The following NAALADL2 variants were observed in gnomAD, a reference collection of about 807,000 sequenced individuals.
NAALADL2 encodes inactive N-acetylated-alpha-linked acidic dipeptidase-like protein 2.
Under a neutral mutation model 87.2 loss-of-function variants are expected in NAALADL2, and 76 were observed. The ratio of observed to expected loss-of-function variants is 0.87; its 90% CI spans 0.72 to 1.05. The LOEUF is 1.05. Ranked by LOEUF, NAALADL2 falls within the 50% of genes least tolerant of loss-of-function variation. The pLI is 0.00. For synonymous variants in NAALADL2, 354 were observed against 331.0 expected, an observed-to-expected ratio of 1.07 and a Z score of -0.75; for missense variants, 1,089 against 945.8, an observed-to-expected ratio of 1.15 and a Z score of -1.99.
chr3:175,178,493 G>A lies in NAALADL2; in HGVS notation c.546-55438G>A, dbSNP rs779358436. 3.9e-5 allele frequency among the ~76,000 whole-genome samples: 6 copies of A among 152,098 alleles called. No individual in the cohort carries two copies. In the East Asian group the frequency reaches 5.8e-4, roughly 15 times the overall value. ...GGGTAGAATTCCTTGGGATGATCACGTGAGTTTATTACAGATAGAGTCCAG... is the reference window on the plus strand; with the variant it reads ...GGGTAGAATTCCTTGGGATGATCACATGAGTTTATTACAGATAGAGTCCAG... On this transcript the variant is annotated intron_variant, in intron 2 of 13. Transcript: ENST00000454872.
At chr3:175,229,802 A>G (rs930823191) in intron 2 of NAALADL2, among the ~76,000 whole-genome samples, 1 of 152,008 alleles carries the variant, frequency 6.6e-6, no homozygotes, top group African/African-American at 2.4e-5. Context: ...TTTAGTCTCA[A>G]TGTAATTCCA....
intron 1 of NAALADL2, among the ~76,000 whole-genome samples, chr3:175,003,013 C>T (rs1010531038): frequency 6.6e-6 from 1 of 152,160 alleles, no homozygotes; most frequent in African/African-American, 2.4e-5. Context: ...GACATCTTTT[C>T]TGATTAGTTT....
intron 1 of NAALADL2, among the ~76,000 whole-genome samples, chr3:174,925,346 G>T (rs979769821): frequency 6.6e-6 from 1 of 152,090 alleles, no homozygotes; most frequent in African/African-American, 2.4e-5. Context: ...CCCATTTCTT[G>T]TTTTTGTCAG....
chr3:175,218,355 T>C (rs923362433), intron 2 of NAALADL2, among the ~76,000 whole-genome samples: 8 of 152,218 alleles, frequency 5.3e-5, no homozygotes, highest in African/African-American at 1.9e-4. Context: ...CATCACATTA[T>C]GAAAAATCTT....
chr3:174,826,682 T>G (rs1560262935), intron 3 of NAALADL2, among the ~76,000 whole-genome samples: 1 of 152,218 alleles, frequency 6.6e-6, no homozygotes, highest in South Asian at 2.1e-4. Flanking sequence ...TCTGACTTCC[T>G]TAGGGTTTTT....
At chr3:174,877,404 A>G (rs1028921953) in intron 1 of NAALADL2, among the ~76,000 whole-genome samples, 1 of 152,074 alleles carries the variant, frequency 6.6e-6, no homozygotes, top group Non-Finnish European at 1.5e-5. Context: ...AAATCAGCAT[A>G]TGAAATAGAT....
chr3:175,100,754 G>T (rs9816732), intron 2 of NAALADL2, among the ~76,000 whole-genome samples: 4 of 150,032 alleles, frequency 2.7e-5, no homozygotes, highest in East Asian at 2.0e-4. Context: ...AGGGAGAATC[G>T]CTTGAACTCG....
chr3:174,478,491 T>TC, intron 1 of NAALADL2, among the ~76,000 whole-genome samples: 1 of 152,194 alleles, frequency 6.6e-6, no homozygotes, highest in East Asian at 1.9e-4. Flanking sequence ...GTATTAGAAA[T>TC]CAGATTTAAT....
At chr3:175,336,904 T>A (rs1158736591) in intron 5 of NAALADL2, among the ~76,000 whole-genome samples, 1 of 152,134 alleles carries the variant, frequency 6.6e-6, no homozygotes, top group Non-Finnish European at 1.5e-5. Context: ...TGCAATTTTA[T>A]CTTGGAAAAA....
chr3:175,018,847 T>C (rs1443026674), intron 1 of NAALADL2, among the ~76,000 whole-genome samples: 1 of 151,754 alleles, frequency 6.6e-6, no homozygotes, highest in East Asian at 1.9e-4. Flanking sequence ...ATTGGTATAG[T>C]TAGCTTTACT....
At chr3:175,419,069 T>C (rs1164585038) in intron 5 of NAALADL2, among the ~76,000 whole-genome samples, 2 of 151,808 alleles carry the variant, frequency 1.3e-5, no homozygotes, top group African/African-American at 4.8e-5. Flanking sequence ...TAGTGTACTC[T>C]AGCTCACAGA....
At chr3:175,456,008 G>C (rs557332165) in intron 6 of NAALADL2, among the ~76,000 whole-genome samples, 39 of 151,988 alleles carry the variant, frequency 2.6e-4, no homozygotes, top group Non-Finnish European at 4.4e-4. Context: ...TTACTTATTG[G>C]AATTGAGACT....
intron 11 of NAALADL2, among the ~76,000 whole-genome samples, chr3:175,673,151 T>G (rs1266227584): frequency 6.6e-6 from 1 of 152,206 alleles, no homozygotes; most frequent in Non-Finnish European, 1.5e-5. Flanking sequence ...GTCATCTTTA[T>G]CTTACCTATA....
chr3:175,703,831 A>G (rs75995350), intron 11 of NAALADL2, among the ~76,000 whole-genome samples: 7 of 137,146 alleles, frequency 5.1e-5, no homozygotes, highest in Non-Finnish European at 9.3e-5. Flanking sequence ...TTCCTTTTTC[A>G]TCTCTTTGAC....
At chr3:175,266,820 A>G in intron 4 of NAALADL2, among the ~76,000 whole-genome samples, 1 of 151,970 alleles carries the variant, frequency 6.6e-6, no homozygotes, top group Middle Eastern at 3.4e-3. Flanking sequence ...TATAATAATA[A>G]TAGCATATCA....
intron 2 of NAALADL2, among the ~76,000 whole-genome samples, chr3:174,730,193 G>A (rs910586988): frequency 3.3e-5 from 5 of 151,986 alleles, no homozygotes; most frequent in African/African-American, 1.2e-4. Flanking sequence ...AATTATTTCT[G>A]GGTGAAACAT....
At chr3:175,509,331 A>C (rs192793744) in intron 9 of NAALADL2, among the ~76,000 whole-genome samples, 61 of 152,270 alleles carry the variant, frequency 4.0e-4, no homozygotes, top group Non-Finnish European at 7.3e-4. Context: ...TTGCATGAGT[A>C]GCTTGCTGGC....
intron 11 of NAALADL2, among the ~76,000 whole-genome samples, chr3:175,725,019 T>C (rs948510026): frequency 6.6e-6 from 1 of 152,090 alleles, no homozygotes; most frequent in Non-Finnish European, 1.5e-5. Context: ...GGAAATAACA[T>C]CTTTGTCCTT....
At chr3:175,711,441 G>A (rs967246803) in intron 11 of NAALADL2, among the ~76,000 whole-genome samples, 1 of 151,658 alleles carries the variant, frequency 6.6e-6, no homozygotes, top group African/African-American at 2.4e-5. Flanking sequence ...TAAAATTAAT[G>A]GAAGAAGTTT....
Sources: gnomAD v4.1 joint callset for allele counts (sites outside exome capture counted in the v4.1 genomes callset) on GRCh38, gnomAD v4.1.1 for gene constraint, MANE v1.5 for transcripts, NCBI Gene and HGNC (gene_info 2026-07-23, HGNC 2026-07-21) for gene names.